LTAP1: variants seen among roughly 807,000 people sequenced by gnomAD.
LTAP1 encodes lipid transport auxiliary protein 1, also known as HCV NS5A-transactivated protein 4.
the LTAP1 span, chr1:154,214,616 C>T: frequency 7.7e-7 from 1 of 1,292,738 alleles, no homozygotes; most frequent in Non-Finnish European, 1.1e-6. Flanking sequence ...TTACCCTGCA[C>T]TCTGCTTTCC....
At chr1:154,207,239 AAT>A in the LTAP1 span, 11 of 441,768 alleles carry the variant, frequency 2.5e-5, no homozygotes, top group African/African-American at 2.2e-4. Flanking sequence ...ACTGGGGGAA[AAT>A]AGTCTTAGCC....
At chr1:154,214,498 T>C in the LTAP1 span, 6 of 1,614,040 alleles carry the variant, frequency 3.7e-6, no homozygotes, top group Admixed American at 1.7e-5. Context: ...TCTAGCATCA[T>C]CATCTGCAAG....
chr1:154,209,537 C>T, the LTAP1 span, among the ~76,000 whole-genome samples: 1 of 150,856 alleles, frequency 6.6e-6, no homozygotes, highest in African/African-American at 2.4e-5. Flanking sequence ...GTGGTACACG[C>T]ACCTCAGCTC....
the LTAP1 span, chr1:154,219,982 G>T: frequency 9.3e-6 from 13 of 1,397,142 alleles, no homozygotes; most frequent in Admixed American, 7.6e-5. Flanking sequence ...AGTCAGTTTT[G>T]TTTTGTTTTT....
At chr1:154,211,577 C>T in the LTAP1 span, among the ~76,000 whole-genome samples, 5 of 151,274 alleles carry the variant, frequency 3.3e-5, no homozygotes, top group South Asian at 2.1e-4. Flanking sequence ...CCTCATGATT[C>T]GCCTGCCTCG....
At chr1:154,215,434 C>T in the LTAP1 span, among the ~76,000 whole-genome samples, 2 of 151,698 alleles carry the variant, frequency 1.3e-5, no homozygotes, top group African/African-American at 2.4e-5. Context: ...GGCGTTGTGG[C>T]GGGGTCCTGT....
the LTAP1 span, chr1:154,207,665 G>A: frequency 1.3e-6 from 2 of 1,577,298 alleles, no homozygotes; most frequent in Non-Finnish European, 1.7e-6. Context: ...AACAGAGAGG[G>A]GAGGTCATTG....
At chr1:154,213,122 C>A in the LTAP1 span, 5 of 155,446 alleles carry the variant, frequency 3.2e-5, no homozygotes, top group African/African-American at 9.6e-5. Context: ...GCCTGGCCAA[C>A]ATGGTGAAAA....
the LTAP1 span, among the ~76,000 whole-genome samples, chr1:154,217,985 A>G: frequency 1.5e-4 from 23 of 152,176 alleles, no homozygotes; most frequent in Non-Finnish European, 2.9e-4. Flanking sequence ...GCTGGAGTGC[A>G]TCAGTGCAAT....
chr1:154,212,668 T>A, the LTAP1 span: 1 of 1,608,252 alleles, frequency 6.2e-7, no homozygotes, highest in Non-Finnish European at 8.5e-7. Context: ...CATTCTTTAG[T>A]CTTTTTTTTT....
the LTAP1 span, among the ~76,000 whole-genome samples, chr1:154,219,490 G>C: frequency 6.6e-6 from 1 of 152,072 alleles, no homozygotes; most frequent in East Asian, 1.9e-4. Context: ...ATTGCTCTTG[G>C]GTTAACCTTA....
the LTAP1 span, chr1:154,207,350 C>G: frequency 9.4e-7 from 1 of 1,066,344 alleles, no homozygotes; most frequent in Non-Finnish European, 1.4e-6. Context: ...TGGATACAGT[C>G]TGGGCCTGCT....
At chr1:154,220,534 A>C in the LTAP1 span, 3 of 927,896 alleles carry the variant, frequency 3.2e-6, no homozygotes, top group African/African-American at 1.7e-5. Context: ...ACGGGGGAAG[A>C]CCAAGCCAGA....
the LTAP1 span, chr1:154,214,056 T>A: frequency 1.1e-6 from 1 of 913,974 alleles, no homozygotes; most frequent in Non-Finnish European, 1.7e-6. Context: ...GGTGGGTGGA[T>A]CACCTGAGGT....
At chr1:154,213,738 A>G in the LTAP1 span, among the ~76,000 whole-genome samples, 1 of 152,228 alleles carries the variant, frequency 6.6e-6, no homozygotes, top group African/African-American at 2.4e-5. Flanking sequence ...TTCCTTCAGC[A>G]AAATCTCTAA....
the LTAP1 span, among the ~76,000 whole-genome samples, chr1:154,215,563 C>CAA: frequency 2.6e-4 from 29 of 111,532 alleles, no homozygotes; most frequent in African/African-American, 9.1e-4. Context: ...GAGACGTCTC[C>CAA]AAAAAAAAAA....
the LTAP1 span, among the ~76,000 whole-genome samples, chr1:154,209,869 CG>C: frequency 6.6e-6 from 1 of 151,890 alleles, no homozygotes; most frequent in African/African-American, 2.4e-5. Context: ...GGATTACAGG[CG>C]TGAGCCACCA....
the LTAP1 span, among the ~76,000 whole-genome samples, chr1:154,210,205 A>AT: frequency 6.6e-6 from 1 of 151,856 alleles, no homozygotes; most frequent in Non-Finnish European, 1.5e-5. Context: ...CACCAGGCTA[A>AT]TTTTTATATT....
At chr1:154,210,403 C>T in the LTAP1 span, among the ~76,000 whole-genome samples, 1 of 152,142 alleles carries the variant, frequency 6.6e-6, no homozygotes, top group Non-Finnish European at 1.5e-5. Context: ...ACAGGAGAGA[C>T]ATACCCCTTA....
Sources: gnomAD v4.1 joint callset for allele counts (sites outside exome capture counted in the v4.1 genomes callset) on GRCh38, gnomAD v4.1.1 for gene constraint, MANE v1.5 for transcripts, NCBI Gene and HGNC (gene_info 2026-07-23, HGNC 2026-07-21) for gene names.